MTMR12: variants seen among roughly 807,000 people sequenced by gnomAD.
MTMR12 encodes the protein myotubularin-related protein 12.
Under a neutral mutation model 96.7 loss-of-function variants are expected in MTMR12, and 33 were observed. The observed-to-expected ratio is 0.34, with a 90% CI of 0.26 to 0.46. The LOEUF is 0.46. MTMR12 is among the 20% of genes least tolerant of loss of function. The pLI is 1.00. For synonymous variants in MTMR12, 298 were observed against 327.2 expected (o/e 0.91, Z 0.96); for missense variants, 721 against 896.1 (o/e 0.80, Z 2.49).
At chr5:32,255,637 T>G in intron 8 of MTMR12, 56 bp downstream of exon 8, 1 of 1,451,400 alleles carries the variant, frequency 6.9e-7, no homozygotes. Flanking sequence ...AGGATCATTT[T>G]GCCAGGATAG....
intron 14 of MTMR12, among the ~76,000 whole-genome samples, chr5:32,234,242 C>T (rs1748119293): frequency 6.6e-6 from 1 of 152,158 alleles, no homozygotes; most frequent in East Asian, 1.9e-4. Flanking sequence ...GCTCAGAAAA[C>T]TGAACTGCCC....
At chr5:32,291,206 C>G (rs1363639250) in intron 1 of MTMR12, among the ~76,000 whole-genome samples, 1 of 152,180 alleles carries the variant, frequency 6.6e-6, no homozygotes, top group East Asian at 1.9e-4. Flanking sequence ...ACAGATGGTT[C>G]TGCAAGACAT....
At chr5:32,263,371 G>T in intron 6 of MTMR12, 129 bp from the exon 7 acceptor site, 1 of 1,073,160 alleles carries the variant, frequency 9.3e-7, no homozygotes, top group Non-Finnish European at 1.3e-6. Flanking sequence ...AGAATGAATT[G>T]ATTGCTTAAT....
intron 2 of MTMR12, 77 bp from the exon 3 acceptor site, chr5:32,274,199 C>A: frequency 2.7e-6 from 4 of 1,507,940 alleles, no homozygotes; most frequent in Non-Finnish European, 3.6e-6. Context: ...GCTTTCCAGC[C>A]CTATTTACAT....
At chr5:32,249,963 C>A (rs1748852928) in intron 8 of MTMR12, among the ~76,000 whole-genome samples, 1 of 152,156 alleles carries the variant, frequency 6.6e-6, no homozygotes, top group African/African-American at 2.4e-5. Flanking sequence ...TTGGCCTGGG[C>A]TCAAAGATAA....
intron 1 of MTMR12, among the ~76,000 whole-genome samples, chr5:32,294,053 T>C (rs1750834099): frequency 6.6e-6 from 1 of 152,122 alleles, no homozygotes. Flanking sequence ...CCACCATCAT[T>C]TCCTAGCTCG....
At chr5:32,248,967 A>G in intron 8 of MTMR12, 89 bp from the exon 9 acceptor site, 1 of 953,808 alleles carries the variant, frequency 1.0e-6, no homozygotes, top group South Asian at 1.3e-5. Flanking sequence ...ATACAGGGAA[A>G]TCTGTAACTT....
intron 2 of MTMR12, among the ~76,000 whole-genome samples, chr5:32,275,392 C>T (rs1332732482): frequency 6.6e-6 from 1 of 152,226 alleles, no homozygotes; most frequent in Non-Finnish European, 1.5e-5. Context: ...CCTGTGCTTT[C>T]ACCTCCCAAT....
chr5:32,268,956 G>A (rs1335145642), intron 5 of MTMR12, among the ~76,000 whole-genome samples, 162 bp from the exon 6 acceptor site: 1 of 152,028 alleles, frequency 6.6e-6, no homozygotes, highest in African/African-American at 2.4e-5. Flanking sequence ...TAGCTTTTTG[G>A]AATAATGGCA....
At chr5:32,238,349 C>G (rs1033446731) in intron 13 of MTMR12, among the ~76,000 whole-genome samples, 3 of 151,986 alleles carry the variant, frequency 2.0e-5, no homozygotes, top group African/African-American at 7.3e-5. Flanking sequence ...GGACTGTAGT[C>G]AGGCATCACC....
chr5:32,232,692 G>T (rs1748043518), intron 15 of MTMR12, among the ~76,000 whole-genome samples: 1 of 152,244 alleles, frequency 6.6e-6, no homozygotes, highest in African/African-American at 2.4e-5. Context: ...GGGGCTCAGG[G>T]CAATTCTGGT....
At chr5:32,281,366 T>C (rs1193377737) in intron 1 of MTMR12, among the ~76,000 whole-genome samples, 1 of 152,156 alleles carries the variant, frequency 6.6e-6, no homozygotes, top group African/African-American at 2.4e-5. Flanking sequence ...AATTCTTTTT[T>C]CTGTGGATCA....
chr5:32,257,771 A>AAAAC (rs368998862), intron 7 of MTMR12, among the ~76,000 whole-genome samples: 346 of 151,758 alleles, frequency 2.3e-3, no homozygotes, highest in Non-Finnish European at 2.9e-3. Flanking sequence ...CTGTCTCAAA[A>AAAAC]AAACAAACAA....
intron 8 of MTMR12, among the ~76,000 whole-genome samples, chr5:32,252,499 T>C (rs1328958149): frequency 6.6e-6 from 1 of 152,254 alleles, no homozygotes. Context: ...AGTGCTTATA[T>C]GCCAGGTCCT....
chr5:32,308,621 A>G (rs541148279), intron 1 of MTMR12, among the ~76,000 whole-genome samples: 9 of 150,208 alleles, frequency 6.0e-5, no homozygotes, highest in African/African-American at 2.2e-4. Context: ...TTTTTTTTTG[A>G]GATGGAGTCT....
intron 7 of MTMR12, among the ~76,000 whole-genome samples, chr5:32,256,773 T>C (rs772120256): frequency 6.6e-5 from 10 of 152,294 alleles, no homozygotes; most frequent in South Asian, 2.1e-4. Flanking sequence ...GATCAGTTCA[T>C]AGGAGATGGG....
chr5:32,250,837 G>GA (rs1306376098), intron 8 of MTMR12, among the ~76,000 whole-genome samples: 1 of 152,076 alleles, frequency 6.6e-6, no homozygotes, highest in African/African-American at 2.4e-5. Context: ...TTCTCTGCGT[G>GA]AAACAGTAAA....
At chr5:32,294,007 A>G (rs1750832762) in intron 1 of MTMR12, among the ~76,000 whole-genome samples, 1 of 152,140 alleles carries the variant, frequency 6.6e-6, no homozygotes, top group African/African-American at 2.4e-5. Context: ...CATATTGCCC[A>G]CGTCTATCCA....
intron 12 of MTMR12, 38 bp downstream of exon 12, chr5:32,242,019 G>T: frequency 6.5e-7 from 1 of 1,542,274 alleles, no homozygotes. Context: ...TCAAGTGAAG[G>T]AAAATGGAAA....
Sources: gnomAD v4.1 joint callset for allele counts (sites outside exome capture counted in the v4.1 genomes callset) on GRCh38, gnomAD v4.1.1 for gene constraint, MANE v1.5 for transcripts, NCBI Gene and HGNC (gene_info 2026-07-23, HGNC 2026-07-21) for gene names.